Variants in ZNF804B observed in about 807,000 individuals in gnomAD.
ZNF804B encodes the protein zinc finger protein 804B.
Under a neutral mutation model 101.4 loss-of-function variants are expected in ZNF804B, and 80 were observed. That is an observed-to-expected ratio of 0.79 (90% CI 0.66 to 0.95). The LOEUF (loss-of-function observed/expected upper bound fraction) is 0.95. Ranked by LOEUF, ZNF804B falls within the 40% of genes least tolerant of loss-of-function variation. The pLI is 0.00. For missense variants in ZNF804B, 1,673 were observed against 1,561.9 expected (o/e 1.07, Z -1.20); for synonymous variants, 622 against 558.8 (o/e 1.11, Z -1.59).
At chr7:89,316,501 G>T (rs933246699) in intron 2 of ZNF804B, among the ~76,000 whole-genome samples, 3 of 151,846 alleles carry the variant, frequency 2.0e-5, no homozygotes, top group Non-Finnish European at 4.4e-5. Context: ...TGGGGAGATT[G>T]CAAAAATAAA....
Position 89,334,332 on chromosome 7 carries a change from T to A in ZNF804B, c.1350T>A (p.Asp450Glu). 1 of 1,613,862 alleles carries A rather than the reference T, an allele frequency of 6.2e-7. No individual in the cohort carries two copies. The highest frequency in any genetic ancestry group is 1.1e-5 in the South Asian group (1 of 91,078). Reference protein sequence around the residue: ...PLPFLHVQSKDGHTTLQWPTE... With the variant: ...PLPFLHVQSKEGHTTLQWPTE... ...CTTTTCTCCACGTTCAAAGCAAGGA[T>A]GGCCACACCACTCTTCAATGGCCTA... The change falls in exon 4 of 4, where the codon GAT (aspartate) becomes GAA (glutamate). Residue 450 changes from aspartate to glutamate, a missense_variant. Asp to Glu is a conservative substitution (Grantham distance 45). Transcript: ENST00000333190.
intron 1 of ZNF804B, among the ~76,000 whole-genome samples, chr7:89,102,633 T>C (rs575553077): frequency 9.5e-4 from 144 of 152,156 alleles, no homozygotes; most frequent in Non-Finnish European, 1.4e-3. Context: ...TTCTGTAGGT[T>C]GTCTGTTTAT....
intron 2 of ZNF804B, among the ~76,000 whole-genome samples, chr7:89,235,627 A>T (rs992965565): frequency 2.6e-5 from 4 of 152,322 alleles, no homozygotes; most frequent in Admixed American, 1.3e-4. Context: ...TGAAAAAAAG[A>T]ACTTAATTGG....
intron 1 of ZNF804B, among the ~76,000 whole-genome samples, chr7:88,770,968 G>A (rs1790052506): frequency 6.6e-6 from 1 of 152,126 alleles, no homozygotes; most frequent in South Asian, 2.1e-4. Flanking sequence ...TTTTAATGTA[G>A]TGCAGGTTTG....
chr7:88,922,626 T>C (rs200578291), intron 1 of ZNF804B, among the ~76,000 whole-genome samples: 17 of 84,102 alleles, frequency 2.0e-4, no homozygotes, highest in East Asian at 5.4e-4. Context: ...TATATATATA[T>C]ACACACACAC....
In ZNF804B at chr7:88,830,983, T is replaced by G. The variant is rs187512531; in HGVS notation, c.108+70899T>G. On this transcript the variant is annotated intron_variant, in intron 1 of 3. Coordinates refer to ENST00000333190, the MANE Select transcript of ZNF804B (RefSeq NM_181646.5). ...GAATATCAGCTCTTTATTTGTGATATATGTTGCAAATATTTTAGTTTGTCA... is the reference window on the plus strand; with the variant it reads ...GAATATCAGCTCTTTATTTGTGATAGATGTTGCAAATATTTTAGTTTGTCA... 1.4e-3 allele frequency among the ~76,000 whole-genome samples: 214 copies of G among 152,092 alleles called. 3 individuals carry two copies. Among genetic ancestry groups the G allele is most frequent in the Admixed American group, 1.4e-3 (22 of 15,258 alleles).
At chr7:89,228,366 C>T (rs1399942180) in intron 2 of ZNF804B, among the ~76,000 whole-genome samples, 2 of 152,252 alleles carry the variant, frequency 1.3e-5, no homozygotes, top group African/African-American at 4.8e-5. Context: ...TGGCCCCACC[C>T]ACATCCTGCT....
In ZNF804B at chr7:89,334,571, A is replaced by T. The variant is rs755190463; in HGVS notation, c.1589A>T (p.Asp530Val). 1 of 1,613,744 alleles carries T rather than the reference A, an allele frequency of 6.2e-7. No individual in the cohort carries two copies. The highest frequency in any genetic ancestry group is 8.5e-7 in the Non-Finnish European group (1 of 1,179,838). The change falls in exon 4 of 4, where the codon GAT becomes GTT. Residue 530 changes from aspartate (D) to valine (V), a missense_variant. Coordinates refer to ENST00000333190, the MANE Select transcript of ZNF804B (RefSeq NM_181646.5). ...TEDQQKLIQE[D>V]YQYPKPKTMI... ...GACCAACAAAAATTGATCCAAGAAG[A>T]TTATCAATATCCGAAACCAAAGACG...
intron 1 of ZNF804B, among the ~76,000 whole-genome samples, chr7:88,791,459 A>AG (rs1310674797): frequency 6.6e-6 from 1 of 152,154 alleles, no homozygotes; most frequent in African/African-American, 2.4e-5. Context: ...TAAGTAAATC[A>AG]GCAATTTTAT....
chr7:89,078,052 C>T (rs1186368158), intron 1 of ZNF804B, among the ~76,000 whole-genome samples: 2 of 152,012 alleles, frequency 1.3e-5, no homozygotes, highest in South Asian at 2.1e-4. Context: ...TTAAAAAATT[C>T]TATGGCTACT....
chr7:88,953,175 C>T (rs187670337), intron 1 of ZNF804B, among the ~76,000 whole-genome samples: 53 of 151,820 alleles, frequency 3.5e-4, no homozygotes, highest in African/African-American at 1.2e-3. Flanking sequence ...TGATTCGATT[C>T]CAGTATTCCA....
chr7:88,929,537 C>A (rs1011350950), intron 1 of ZNF804B, among the ~76,000 whole-genome samples: 1 of 152,034 alleles, frequency 6.6e-6, no homozygotes, highest in East Asian at 1.9e-4. Flanking sequence ...AGCCCCATGT[C>A]ACGTCTTGTA....
chr7:89,136,337 C>T (rs889820106), intron 1 of ZNF804B, among the ~76,000 whole-genome samples: 2 of 151,894 alleles, frequency 1.3e-5, no homozygotes, highest in African/African-American at 4.8e-5. Flanking sequence ...TTGGGGGGGT[C>T]TCAATTTCTT....
intron 1 of ZNF804B, among the ~76,000 whole-genome samples, chr7:88,790,177 T>C: frequency 6.6e-6 from 1 of 152,142 alleles, no homozygotes; most frequent in Non-Finnish European, 1.5e-5. Flanking sequence ...ATATTATATG[T>C]TCACACTGTT....
chr7:89,216,537 T>C (rs1382772960), intron 1 of ZNF804B, among the ~76,000 whole-genome samples: 2 of 152,312 alleles, frequency 1.3e-5, no homozygotes, highest in African/African-American at 2.4e-5. Context: ...ACTAATTTTT[T>C]ATATCCTCCA....
intron 1 of ZNF804B, among the ~76,000 whole-genome samples, chr7:89,037,542 T>C (rs908143107): frequency 6.6e-6 from 1 of 151,284 alleles, no homozygotes; most frequent in Non-Finnish European, 1.5e-5. Flanking sequence ...TTGTATATGT[T>C]TATAGTGCAC....
chr7:89,309,324 T>A (rs995373480), intron 2 of ZNF804B, among the ~76,000 whole-genome samples: 1 of 152,200 alleles, frequency 6.6e-6, no homozygotes, highest in Admixed American at 6.5e-5. Flanking sequence ...AGGGCGTGAT[T>A]TCATTCATTT....
intron 1 of ZNF804B, among the ~76,000 whole-genome samples, chr7:88,847,689 T>A (rs955095591): frequency 6.6e-6 from 1 of 152,062 alleles, no homozygotes; most frequent in Non-Finnish European, 1.5e-5. Context: ...TATGATAAAG[T>A]GTGATGAGTG....
chr7:89,036,020 T>TATTA (rs369589756), intron 1 of ZNF804B, among the ~76,000 whole-genome samples: 66,031 of 144,236 alleles, frequency 0.46, 15,729 homozygotes, highest in Non-Finnish European at 0.52. Flanking sequence ...ATATAGTATA[T>TATTA]ATTAATATGT....
Sources: gnomAD v4.1 joint callset for allele counts (sites outside exome capture counted in the v4.1 genomes callset) on GRCh38, gnomAD v4.1.1 for gene constraint, MANE v1.5 for transcripts, NCBI Gene and HGNC (gene_info 2026-07-23, HGNC 2026-07-21) for gene names.